Variants in FAM163A observed in about 807,000 individuals in gnomAD.
FAM163A encodes protein FAM163A.
Under a neutral mutation model 12.0 loss-of-function variants are expected in FAM163A, and 7 were observed. That is an observed-to-expected ratio of 0.58 (90% CI 0.33 to 1.10). The LOEUF (loss-of-function observed/expected upper bound fraction) is 1.10, where lower values mean the gene tolerates loss of function less well. Among genes scored for constraint, FAM163A ranks in the 50% least tolerant of loss-of-function variants. The pLI, the probability that FAM163A is intolerant of heterozygous loss-of-function variation, is 0.03. For missense variants in FAM163A, 202 were observed against 218.6 expected (o/e 0.92, Z 0.48); for synonymous variants, 101 against 91.0 (o/e 1.11, Z -0.62).
intron 4 of FAM163A, 104 bp from the exon 5 acceptor site, chr1:179,813,675 G>C: frequency 1.5e-6 from 2 of 1,350,738 alleles, no homozygotes; most frequent in Non-Finnish European, 2.0e-6. Flanking sequence ...CCTGGCACTA[G>C]GTTCTCCATG....
intron 1 of FAM163A, among the ~76,000 whole-genome samples, chr1:179,756,568 G>C (rs1395627624): frequency 6.6e-6 from 1 of 152,144 alleles, no homozygotes; most frequent in Non-Finnish European, 1.5e-5. Flanking sequence ...TTGATTTGGA[G>C]GTTCCTTTGG....
At chr1:179,739,794 G>A (rs963320928), upstream of FAM163A, among the ~76,000 whole-genome samples, 3 of 152,194 alleles carry the variant, frequency 2.0e-5, no homozygotes, top group Non-Finnish European at 2.9e-5. Flanking sequence ...AAGTAAGCAC[G>A]AGCCCCTGAA....
chr1:179,732,161 A>G, the FAM163A span, among the ~76,000 whole-genome samples: 2 of 152,390 alleles, frequency 1.3e-5, no homozygotes, highest in Admixed American at 1.3e-4. Flanking sequence ...AAGGTTTTAC[A>G]GCAATTGCAG....
intron 1 of FAM163A, among the ~76,000 whole-genome samples, chr1:179,798,690 C>T (rs1393829077): frequency 1.3e-5 from 2 of 152,104 alleles, no homozygotes; most frequent in Non-Finnish European, 2.9e-5. Context: ...ATCCGACTGG[C>T]GGGATAAATA....
intron 1 of FAM163A, among the ~76,000 whole-genome samples, chr1:179,763,557 G>T: frequency 6.6e-6 from 1 of 152,226 alleles, no homozygotes. Flanking sequence ...GATGCACTCT[G>T]CTTTTTCCTA....
chr1:179,774,898 C>T (rs1406297306), intron 1 of FAM163A, among the ~76,000 whole-genome samples: 1 of 152,154 alleles, frequency 6.6e-6, no homozygotes, highest in African/African-American at 2.4e-5. Context: ...AAAAACATTC[C>T]CATAGTGTTA....
At chr1:179,737,347 T>A in the FAM163A span, among the ~76,000 whole-genome samples, 1 of 152,106 alleles carries the variant, frequency 6.6e-6, no homozygotes, top group Admixed American at 6.5e-5. Context: ...TCCAAGTAGC[T>A]GGGAGAAAGG....
At chr1:179,773,848 T>G (rs1168771908) in intron 1 of FAM163A, among the ~76,000 whole-genome samples, 3 of 152,180 alleles carry the variant, frequency 2.0e-5, no homozygotes, top group Non-Finnish European at 4.4e-5. Context: ...ATCTTTTACC[T>G]TCAGAAGCCT....
chr1:179,808,552 G>A (rs1327702943), intron 2 of FAM163A, among the ~76,000 whole-genome samples: 1 of 152,218 alleles, frequency 6.6e-6, no homozygotes, highest in African/African-American at 2.4e-5. Context: ...GGCCACCCTA[G>A]GTTTCTTCCC....
rs1276942107 is a variant in FAM163A, at chr1:179,813,644, G to GC, written c.94-134dup. The GC allele has an allele frequency of 8.3e-6, 8 of 968,258 alleles. No homozygotes were observed. The East Asian group carries it at 2.1e-4, about 25-fold the overall frequency. 60.0% of individuals were successfully genotyped at this position (968,258 alleles called of 1,614,324 possible). On this transcript the variant is annotated intron_variant, in intron 4 of 4. Transcript: ENST00000341785. The stretch of plus-strand genomic sequence containing the variant: ...AAAGCTGGGATTAGAAACTTGTGGA[G>GC]CAGGCCCCTGGGGTTCAGTGCCTGG...
chr1:179,762,278 G>T (rs1686925274), intron 1 of FAM163A, among the ~76,000 whole-genome samples: 1 of 152,196 alleles, frequency 6.6e-6, no homozygotes, highest in South Asian at 2.1e-4. Context: ...TTCTACCCAA[G>T]ATTTATAAGT....
At chr1:179,765,115 C>A (rs571098697) in intron 1 of FAM163A, among the ~76,000 whole-genome samples, 1 of 152,202 alleles carries the variant, frequency 6.6e-6, no homozygotes, top group Admixed American at 6.5e-5. Flanking sequence ...TCCACCTCTT[C>A]CCTTTCTTCC....
At chr1:179,759,431 G>C (rs965500267) in intron 1 of FAM163A, among the ~76,000 whole-genome samples, 2 of 152,136 alleles carry the variant, frequency 1.3e-5, no homozygotes, top group Non-Finnish European at 2.9e-5. Context: ...GACTGACTTT[G>C]GGTTCAACTA....
At chr1:179,738,063 A>G in the FAM163A span, among the ~76,000 whole-genome samples, 3 of 152,192 alleles carry the variant, frequency 2.0e-5, no homozygotes, top group African/African-American at 4.8e-5. Context: ...CACATGTGGA[A>G]TCTATAAAAG....
upstream of FAM163A, among the ~76,000 whole-genome samples, chr1:179,738,420 A>G (rs555126645): frequency 3.9e-5 from 6 of 152,338 alleles, no homozygotes; most frequent in African/African-American, 1.4e-4. Context: ...AATATCACAA[A>G]AATATGTAGT....
At chr1:179,760,025 G>C (rs959908633) in intron 1 of FAM163A, among the ~76,000 whole-genome samples, 1 of 152,178 alleles carries the variant, frequency 6.6e-6, no homozygotes, top group African/African-American at 2.4e-5. Flanking sequence ...TGTTCGTGCA[G>C]TGTTTTCAGT....
At chr1:179,747,966 G>T (rs1056885994) in intron 1 of FAM163A, among the ~76,000 whole-genome samples, 1 of 151,034 alleles carries the variant, frequency 6.6e-6, no homozygotes, top group South Asian at 2.1e-4. Flanking sequence ...AGGGGGAGGG[G>T]GAGGAGGAAG....
intron 1 of FAM163A, among the ~76,000 whole-genome samples, chr1:179,766,704 A>C (rs1428456069): frequency 1.3e-5 from 2 of 151,638 alleles, no homozygotes; most frequent in Non-Finnish European, 2.9e-5. Flanking sequence ...CTTTACACCC[A>C]ATGGCCCCTC....
At chr1:179,797,154 G>C (rs1427319970) in intron 1 of FAM163A, among the ~76,000 whole-genome samples, 1 of 152,334 alleles carries the variant, frequency 6.6e-6, no homozygotes. Flanking sequence ...TTCTCAGATA[G>C]AAATAAGATT....
Sources: gnomAD v4.1 joint callset for allele counts (sites outside exome capture counted in the v4.1 genomes callset) on GRCh38, gnomAD v4.1.1 for gene constraint, MANE v1.5 for transcripts, NCBI Gene and HGNC (gene_info 2026-07-23, HGNC 2026-07-21) for gene names.